The following MACROD1 variants were observed in gnomAD, a reference collection of about 807,000 sequenced individuals.
MACROD1 encodes the protein ADP-ribose glycohydrolase MACROD1.
A neutral mutation model predicts 41.4 loss-of-function variants in MACROD1; 31 were observed. The observed-to-expected ratio is 0.75, with a 90% CI of 0.56 to 1.01. The LOEUF is 1.01. Ranked by LOEUF, MACROD1 falls within the 50% of genes least tolerant of loss-of-function variation. The pLI is 0.00. For missense variants in MACROD1, 473 were observed against 460.0 expected, an observed-to-expected ratio of 1.03 and a Z score of -0.26; for synonymous variants, 252 against 203.4, an observed-to-expected ratio of 1.24 and a Z score of -2.03.
Position 64,117,833 on chromosome 11 carries a change from C to G in MACROD1, c.517+33406G>C, listed in dbSNP as rs3824854. ...ATGCCTACGTAGCTGATGAGACACC[C>G]GTGTGTGCCAAGGCAGAGACAGCCG... On this transcript the variant is annotated intron_variant, in intron 3 of 10. Coordinates refer to ENST00000255681, the MANE Select transcript of MACROD1 (RefSeq NM_014067.4). 3.1e-6 allele frequency: 5 copies of G among 1,614,076 alleles called. No individual in the cohort carries two copies. In the East Asian group the frequency reaches 1.1e-4, roughly 36 times the overall value.
Position 64,031,449 on chromosome 11 carries a change from AGCCTGCCT to A in MACROD1, c.518-16176_518-16169del, listed in dbSNP as rs72360895. The stretch of plus-strand genomic sequence containing the variant: ...GAACTTGGATCAGAGAAGCTGCTGG[AGCCTGCCT>A]GCCTGCCTGCCTGCCTTCCTTTTTT... On this transcript the variant is annotated intron_variant, in intron 3 of 10. Transcript: ENST00000255681. Among the ~76,000 whole-genome samples, 102 of 143,962 alleles carry A rather than the reference AGCCTGCCT, an allele frequency of 7.1e-4. No homozygotes were observed. In the East Asian group the frequency reaches 9.0e-3, roughly 13 times the overall value. The allele number at this position is 143,962 out of a possible 152,430, so 94.4% of individuals were successfully genotyped here. A position where few individuals can be genotyped will look rare whatever the true frequency, so the allele number is the denominator to read the frequency against.
At chr11:64,086,381 T>G (rs946683557) in intron 3 of MACROD1, among the ~76,000 whole-genome samples, 9 of 152,036 alleles carry the variant, frequency 5.9e-5, no homozygotes, top group African/African-American at 2.2e-4. Flanking sequence ...CCCTTGTGAC[T>G]ACCCCCGAGC....
At chr11:64,136,911 C>T (rs910632750) in intron 3 of MACROD1, among the ~76,000 whole-genome samples, 1 of 152,122 alleles carries the variant, frequency 6.6e-6, no homozygotes, top group East Asian at 1.9e-4. Context: ...TGCCAGCCCC[C>T]GGGAGCAGCG....
chr11:64,165,873 G>A lies in MACROD1; in HGVS notation c.122C>T (p.Thr41Met), dbSNP rs753118798. Reference protein sequence around the residue: ...LAGATRTRSSTCGPPAFLGVF... With the variant: ...LAGATRTRSSMCGPPAFLGVF... ...GCCCAGGAACGCCGGGGGACCGCACGTGCTGCTGCGGGTCCTCGTGGCACC... is the reference window on the plus strand; with the variant it reads ...GCCCAGGAACGCCGGGGGACCGCACATGCTGCTGCGGGTCCTCGTGGCACC... The change falls in exon 1 of 11, where the codon ACG becomes ATG. Residue 41 changes from threonine to methionine, a missense_variant. Physicochemically the swap from Thr to Met is moderately conservative, Grantham distance 81 (BLOSUM62 -1). Coordinates refer to ENST00000255681, the MANE Select transcript of MACROD1 (RefSeq NM_014067.4). The A allele has an allele frequency of 4.9e-6, 7 of 1,422,480 alleles. No individual in the cohort carries two copies. Among genetic ancestry groups the A allele is most frequent in the South Asian group, 1.5e-5 (1 of 66,970 alleles). The allele number at this position is 1,422,480 out of a possible 1,614,324, so 88.1% of individuals were successfully genotyped here. A position where few individuals can be genotyped will look rare whatever the true frequency, so the allele number is the denominator to read the frequency against.
rs1158547113 is a variant in MACROD1 at position 64,090,503 on chromosome 11, A to G, written c.517+60736T>C. Among the ~76,000 whole-genome samples, 1 of 152,034 alleles carries G rather than the reference A, an allele frequency of 6.6e-6. No individual in the cohort carries two copies. Among genetic ancestry groups the G allele is most frequent in the Non-Finnish European group, 1.5e-5 (1 of 67,984 alleles). ...GAGGAGGAGGAGGCCAAATAACCAC[A>G]TTTGCTTCCCCGGGCCCTCCCTCGA... On this transcript the variant is annotated intron_variant, in intron 3 of 10. Coordinates refer to ENST00000255681, the MANE Select transcript of MACROD1 (RefSeq NM_014067.4). The surrounding 1 kb of genome is among the most constrained non-coding windows in gnomAD (Gnocchi z 4.7).
chr11:64,058,041 G>T (rs963171693), intron 3 of MACROD1, among the ~76,000 whole-genome samples: 1 of 152,212 alleles, frequency 6.6e-6, no homozygotes, highest in African/African-American at 2.4e-5. Flanking sequence ...TGAGTAATGC[G>T]CAATGTAATC....
rs1351023773 is a variant in MACROD1 at position 64,016,517 on chromosome 11, A to G, written c.518-1236T>C. Among the ~76,000 whole-genome samples the G allele has an allele frequency of 6.6e-5, 10 of 152,216 alleles. No homozygotes were observed. In the East Asian group the frequency reaches 1.7e-3, roughly 26 times the overall value. ...CTGTAGAAAGGATGAGGGGACACAG[A>G]GCTGAGCTGGGTGGCCAGGCTGCAG... On this transcript the variant is annotated intron_variant, in intron 3 of 10. Transcript: ENST00000255681.
intron 3 of MACROD1, among the ~76,000 whole-genome samples, chr11:64,145,953 A>G (rs1945489675): frequency 6.6e-6 from 1 of 152,124 alleles, no homozygotes; most frequent in African/African-American, 2.4e-5. Context: ...TATTTTTAGT[A>G]GAGACCAGGT....
At chr11:64,094,828 G>A (rs1459672372) in intron 3 of MACROD1, among the ~76,000 whole-genome samples, 1 of 152,230 alleles carries the variant, frequency 6.6e-6, no homozygotes, top group African/African-American at 2.4e-5. Flanking sequence ...GGGAACTGAG[G>A]CTGAAGCACT....
At chr11:64,092,249 C>G (rs980167175) in intron 3 of MACROD1, among the ~76,000 whole-genome samples, 1 of 152,172 alleles carries the variant, frequency 6.6e-6, no homozygotes, top group Non-Finnish European at 1.5e-5. Flanking sequence ...CTGTCTGCCT[C>G]TTAAAAAAAT....
chr11:63,999,646 G>A lies in MACROD1; in HGVS notation c.782C>T (p.Ser261Leu), dbSNP rs753359838. 17 of 1,609,236 alleles carry A rather than the reference G, an allele frequency of 1.1e-5. No individual in the cohort carries two copies. The highest frequency in any genetic ancestry group is 1.4e-5 in the Non-Finnish European group (16 of 1,178,816). ...CCCCCGCGGGCCGTCCCTCACCACCGAGCGGAGCCGGTGCTCCAGCAGCAG... is the reference window on the plus strand; with the variant it reads ...CCCCCGCGGGCCGTCCCTCACCACCAAGCGGAGCCGGTGCTCCAGCAGCAG... ...LDLLLEHRLRSVAFPCISTGV... is the reference protein window; with the variant it reads ...LDLLLEHRLRLVAFPCISTGV... Residue 261 changes from serine (S) to leucine (L), a missense_variant, in exon 6 of 11, where the codon TCG (serine) becomes TTG (leucine). Ser to Leu is a moderately radical substitution (Grantham distance 145, BLOSUM62 -2). Coordinates refer to ENST00000255681, the MANE Select transcript of MACROD1 (RefSeq NM_014067.4).
chr11:64,059,781 G>A (rs1943861784), intron 3 of MACROD1, among the ~76,000 whole-genome samples: 1 of 152,208 alleles, frequency 6.6e-6, no homozygotes, highest in Non-Finnish European at 1.5e-5. Context: ...CCTCTCCTGA[G>A]TTTCTCAGTT....
At chr11:64,131,471 C>T (rs1451695435) in intron 3 of MACROD1, among the ~76,000 whole-genome samples, 3 of 152,294 alleles carry the variant, frequency 2.0e-5, no homozygotes, top group Non-Finnish European at 2.9e-5. Flanking sequence ...CGTGTACAGG[C>T]GTGTGCTACC....
intron 3 of MACROD1, chr11:64,116,331 G>C: frequency 6.2e-7 from 1 of 1,610,868 alleles, no homozygotes; most frequent in Non-Finnish European, 8.5e-7. Flanking sequence ...CACGGCCACC[G>C]TTGTGATGAC....
At chr11:64,151,433 G>A (rs1292664315) in intron 2 of MACROD1, 78 bp from the exon 3 acceptor site, 2 of 1,075,490 alleles carry the variant, frequency 1.9e-6, no homozygotes, top group Non-Finnish European at 2.8e-6. Flanking sequence ...CAGGGGCCAG[G>A]GCCTTCCCTA....
chr11:64,059,285 G>A (rs1026601862), intron 3 of MACROD1, among the ~76,000 whole-genome samples: 2 of 152,182 alleles, frequency 1.3e-5, no homozygotes, highest in African/African-American at 4.8e-5. Context: ...CCTGTGAAGA[G>A]GGTCTTGCGG....
At chr11:64,162,142 G>C (rs1183284431) in intron 1 of MACROD1, among the ~76,000 whole-genome samples, 2 of 152,114 alleles carry the variant, frequency 1.3e-5, no homozygotes, top group African/African-American at 4.8e-5. Context: ...AGGAGTTTGA[G>C]AACAGCCTGG....
chr11:64,149,440 C>G (rs921669771), intron 3 of MACROD1, among the ~76,000 whole-genome samples: 2 of 152,208 alleles, frequency 1.3e-5, no homozygotes, highest in African/African-American at 4.8e-5. Context: ...TAAACCGCTT[C>G]TGATGGAGCT....
Position 63,999,388 on chromosome 11 carries a change from C to G in MACROD1, c.834G>C (p.Ala278=). The G allele has an allele frequency of 6.3e-7, 1 of 1,591,988 alleles. No individual in the cohort carries two copies. Reference sequence around the variant, plus strand: ...GCGTGGCCAGCACGATCTCGGCGGCCGCCTCACAGGGGTAGCCTGAGGCGG... The same window carrying G: ...GCGTGGCCAGCACGATCTCGGCGGCGGCCTCACAGGGGTAGCCTGAGGCGG... ...STGVFGYPCE[A]AAEIVLATLR... The change falls in exon 8 of 11, where the codon GCG becomes GCC. Residue 278 remains alanine (A), a synonymous_variant. Coordinates refer to ENST00000255681, the MANE Select transcript of MACROD1 (RefSeq NM_014067.4).
Sources: allele counts gnomAD v4.1 joint callset (sites outside exome capture counted in the v4.1 genomes callset), GRCh38; gene constraint gnomAD v4.1.1; non-coding constraint Gnocchi (gnomAD v3.1); transcripts MANE v1.5; gene names NCBI Gene and HGNC (gene_info 2026-07-23, HGNC 2026-07-21).